TBC1D5: variants seen among roughly 807,000 people sequenced by gnomAD.
The protein encoded by TBC1D5 is TBC1 domain family, member 5.
In TBC1D5, 75 loss-of-function variants were observed where a neutral mutation model predicts 100.3. That is an observed-to-expected ratio of 0.75 (90% CI 0.62 to 0.91). TBC1D5 has a LOEUF of 0.91. TBC1D5 is among the 40% of genes least tolerant of loss of function. The pLI is 0.00. For synonymous variants in TBC1D5, 323 were observed against 325.6 expected, an observed-to-expected ratio of 0.99 and a Z score of 0.09; for missense variants, 910 against 942.4, an observed-to-expected ratio of 0.97 and a Z score of 0.45.
At chr3:17,399,440 CT>C (rs2093592933) in intron 8 of TBC1D5, among the ~76,000 whole-genome samples, 1 of 152,106 alleles carries the variant, frequency 6.6e-6, no homozygotes, top group Admixed American at 6.6e-5. Flanking sequence ...TAATGATCCC[CT>C]AATTTGTATT....
chr3:17,329,496 C>T (rs544911870), intron 13 of TBC1D5, among the ~76,000 whole-genome samples: 3 of 150,522 alleles, frequency 2.0e-5, no homozygotes, highest in Non-Finnish European at 4.4e-5. Flanking sequence ...GGTGGAAACA[C>T]AAAAAAATAA....
At chr3:17,213,000 A>C (rs2125984410) in intron 18 of TBC1D5, among the ~76,000 whole-genome samples, 1 of 152,284 alleles carries the variant, frequency 6.6e-6, no homozygotes, top group Non-Finnish European at 1.5e-5. Flanking sequence ...CTAGACCTTC[A>C]CATTCACTCA....
intron 9 of TBC1D5, among the ~76,000 whole-genome samples, chr3:17,381,933 A>C (rs1399728953): frequency 6.6e-6 from 1 of 152,020 alleles, no homozygotes; most frequent in Non-Finnish European, 1.5e-5. Flanking sequence ...TCTTTATTTT[A>C]CCATATTCAG....
chr3:17,490,970 CCTCT>C (rs1300353505), intron 3 of TBC1D5, among the ~76,000 whole-genome samples: 2 of 152,108 alleles, frequency 1.3e-5, no homozygotes, highest in African/African-American at 2.4e-5. Flanking sequence ...TTATTTGTGT[CCTCT>C]CTGATTTCCT....
intron 3 of TBC1D5, among the ~76,000 whole-genome samples, chr3:17,449,656 C>A (rs2094880378): frequency 1.3e-5 from 2 of 152,178 alleles, no homozygotes; most frequent in Non-Finnish European, 2.9e-5. Flanking sequence ...TGCAGCAAAG[C>A]TGCTGTAGCC....
chr3:17,689,518 C>CA (rs373476990), intron 1 of TBC1D5, among the ~76,000 whole-genome samples: 4,698 of 54,190 alleles, frequency 0.087, 195 homozygotes, highest in Admixed American at 0.17. Flanking sequence ...GACCCTGTCT[C>CA]AAAAAAAAAA....
At chr3:17,467,286 CTTTT>C (rs11299814) in intron 3 of TBC1D5, among the ~76,000 whole-genome samples, 10 of 121,258 alleles carry the variant, frequency 8.2e-5, no homozygotes, top group Non-Finnish European at 1.0e-4. Flanking sequence ...GCCAGACCTT[CTTTT>C]TTTTTTTTTT....
At chr3:17,586,714 G>A (rs2096735337) in intron 2 of TBC1D5, among the ~76,000 whole-genome samples, 1 of 152,028 alleles carries the variant, frequency 6.6e-6, no homozygotes, top group East Asian at 1.9e-4. Context: ...GAGGACAAAC[G>A]TTAGCCTACT....
At chr3:17,700,100 T>C (rs1577594898) in intron 1 of TBC1D5, 1 of 152,130 alleles carries the variant, frequency 6.6e-6, no homozygotes, top group Admixed American at 6.5e-5. Flanking sequence ...ATCATCTGCT[T>C]TGGCTTGTCC....
chr3:17,496,929 C>T (rs867825294), intron 3 of TBC1D5, among the ~76,000 whole-genome samples: 1 of 152,172 alleles, frequency 6.6e-6, no homozygotes, highest in Non-Finnish European at 1.5e-5. Flanking sequence ...CCTCGGCCTA[C>T]TAGTCCCATC....
intron 1 of TBC1D5, among the ~76,000 whole-genome samples, chr3:17,718,852 C>T (rs1009700826): frequency 2.0e-5 from 3 of 152,014 alleles, no homozygotes; most frequent in Non-Finnish European, 2.9e-5. Context: ...TTAAAAAACC[C>T]TATAGACAGA....
At chr3:17,578,585 A>G (rs75579809) in intron 2 of TBC1D5, among the ~76,000 whole-genome samples, 1 of 152,198 alleles carries the variant, frequency 6.6e-6, no homozygotes, top group African/African-American at 2.4e-5. Context: ...ACATTTTTTA[A>G]AACTTAGAAA....
intron 1 of TBC1D5, among the ~76,000 whole-genome samples, chr3:17,635,920 C>T (rs747913595): frequency 3.3e-5 from 5 of 152,078 alleles, no homozygotes; most frequent in South Asian, 2.1e-4. Context: ...TGGCCGGACA[C>T]GGTGACTCAT....
exon 22 of TBC1D5, chr3:17,160,908 C>T: frequency 6.4e-7 from 1 of 1,567,270 alleles, no homozygotes; most frequent in Non-Finnish European, 8.7e-7. Context: ...TCAGTCTGGC[C>T]TTGGGGCCAC....
At chr3:17,200,007 A>G (rs777758540) in intron 18 of TBC1D5, among the ~76,000 whole-genome samples, 5 of 152,212 alleles carry the variant, frequency 3.3e-5, no homozygotes, top group Non-Finnish European at 5.9e-5. Flanking sequence ...TCTATGAACA[A>G]CTGATGAGCT....
intron 1 of TBC1D5, chr3:17,702,179 T>G (rs1447662575): frequency 2.0e-5 from 3 of 152,202 alleles, no homozygotes. Context: ...TATAATACTT[T>G]GGCATACTCT....
At chr3:17,270,580 A>G (rs556552207) in intron 15 of TBC1D5, among the ~76,000 whole-genome samples, 23 of 151,930 alleles carry the variant, frequency 1.5e-4, no homozygotes, top group Admixed American at 5.2e-4. Context: ...TAGGTTGTCT[A>G]CTCTGTTGAT....
intron 1 of TBC1D5, among the ~76,000 whole-genome samples, chr3:17,700,371 A>T (rs1247797244): frequency 6.6e-6 from 1 of 152,230 alleles, no homozygotes; most frequent in Non-Finnish European, 1.5e-5. Flanking sequence ...AAAACCATAA[A>T]AACCCTAGAA....
intron 12 of TBC1D5, among the ~76,000 whole-genome samples, chr3:17,374,199 T>C (rs1456787892): frequency 1.3e-5 from 2 of 152,024 alleles, no homozygotes. Context: ...AAGAGAAATA[T>C]AATAATTTTG....
Sources: allele counts gnomAD v4.1 joint callset (sites outside exome capture counted in the v4.1 genomes callset), GRCh38; gene constraint gnomAD v4.1.1; transcripts MANE v1.5; gene names NCBI Gene and HGNC (gene_info 2026-07-23, HGNC 2026-07-21).